TPO: variants seen among roughly 807,000 people sequenced by gnomAD.
TPO encodes the protein thyroid microsomal antigen.
TPO carries 78 observed loss-of-function variants against 96.9 expected under a neutral mutation model. That is an observed-to-expected ratio of 0.81 (90% CI 0.67 to 0.97). TPO has a LOEUF of 0.97. Ranked by LOEUF, TPO falls within the 50% of genes least tolerant of loss-of-function variation. TPO has a pLI of 0.00. For synonymous variants in TPO, 547 were observed against 538.0 expected (o/e 1.02, Z -0.23); for missense variants, 1,252 against 1,274.8 (o/e 0.98, Z 0.27).
chr2:1,456,266 CAT>C lies in TPO; in HGVS notation c.804_805del (p.Cys269PhefsTer202). On this transcript the variant is annotated frameshift_variant, in exon 7 of 17. Transcript: ENST00000329066. LOFTEE classifies it high-confidence loss of function. ...CAGATGACTTGTGAGAACCAAAACC[CAT>C]GTTTTCCCATACAAGTAAGTTTTAG... 1.2e-6 allele frequency: 2 copies of C among 1,614,138 alleles called. No homozygotes were observed. Among genetic ancestry groups the C allele is most frequent in the Non-Finnish European group, 1.7e-6 (2 of 1,180,014 alleles).
At chr2:1,514,908 T>A (rs915429155) in intron 14 of TPO, among the ~76,000 whole-genome samples, 3 of 152,088 alleles carry the variant, frequency 2.0e-5, no homozygotes, top group East Asian at 3.9e-4. Context: ...TTTGCTGGTG[T>A]GAGGTGGGCT....
intron 15 of TPO, 51 bp from the exon 16 acceptor site, chr2:1,540,542 AC>A: frequency 1.2e-6 from 2 of 1,607,500 alleles, no homozygotes. Context: ...TCTACCCTCC[AC>A]AGTCACGGTG....
At chr2:1,478,361 C>A (rs926952948) in intron 8 of TPO, 1 of 985,400 alleles carries the variant, frequency 1.0e-6, no homozygotes, top group Non-Finnish European at 1.2e-6. Flanking sequence ...GGCCCTGTGG[C>A]GGCCTGGGCA....
chr2:1,513,329 A>C (rs959501160), intron 14 of TPO: 3 of 152,292 alleles, frequency 2.0e-5, no homozygotes, highest in Admixed American at 2.0e-4. Flanking sequence ...AGCCATATTT[A>C]CAGCCCCTCC....
In TPO at chr2:1,493,851, C is replaced by T. The variant is rs148782927; in HGVS notation, c.1818C>T (p.Pro606=). Residue 606 remains proline (P), a synonymous_variant, in exon 11 of 17, where the codon CCC becomes CCT. Transcript: ENST00000329066. ...EFCGLPRLET[P]ADLSTAIASR... ...GCGGCCTGCCTCGCCTGGAGACCCC[C>T]GCTGACCTGAGCACAGCCATCGCCA... The T allele has an allele frequency of 2.0e-5, 32 of 1,614,146 alleles. No homozygotes were observed. Among genetic ancestry groups the T allele is most frequent in the African/African-American group, 6.7e-5 (5 of 75,046 alleles).
intron 2 of TPO, among the ~76,000 whole-genome samples, chr2:1,419,945 A>G (rs866151910): frequency 2.6e-4 from 40 of 152,372 alleles, no homozygotes; most frequent in African/African-American, 9.4e-4. Context: ...TTCTTCCCCT[A>G]CAGATGGATG....
chr2:1,487,253 T>C (rs1671258721), intron 9 of TPO, among the ~76,000 whole-genome samples: 1 of 151,910 alleles, frequency 6.6e-6, no homozygotes, highest in African/African-American at 2.4e-5. Flanking sequence ...AACAAAAAGC[T>C]TTAAAAACTG....
At chr2:1,507,342 G>T (rs1192752165) in intron 14 of TPO, among the ~76,000 whole-genome samples, 1 of 152,132 alleles carries the variant, frequency 6.6e-6, no homozygotes, top group South Asian at 2.1e-4. Context: ...TGTTCTTTTG[G>T]CTTAGGATTG....
chr2:1,537,680 C>CCAA, intron 15 of TPO, among the ~76,000 whole-genome samples: 1 of 125,570 alleles, frequency 8.0e-6, no homozygotes, highest in African/African-American at 3.2e-5. Flanking sequence ...AATCCCCCTA[C>CCAA]TCTGTGGAAC....
chr2:1,382,786 G>T (rs2361828), intron 1 of TPO, among the ~76,000 whole-genome samples: 2,887 of 152,000 alleles, frequency 0.019, 69 homozygotes, highest in South Asian at 0.12. Flanking sequence ...GTGCAGGTTT[G>T]TTACATATGT....
At chr2:1,537,064 G>GCC (rs1558440009) in intron 15 of TPO, among the ~76,000 whole-genome samples, 332 of 15,924 alleles carry the variant, frequency 0.021, no homozygotes, top group Middle Eastern at 0.083. Flanking sequence ...CCAAATCCCT[G>GCC]CCACTGTGTG....
At position 1,484,654 on chromosome 2, in the gene TPO, A is replaced by AC; in HGVS notation, c.1398dup (p.Val467ArgfsTer5). ...CTGGGACCCGAGGCCTTCCAGCAGT[A>AC]CGTGGGTCCCTATGAAGGCTATGAC... is the stretch of plus-strand genomic sequence containing the variant. On this transcript the variant is annotated frameshift_variant, in exon 9 of 17. Coordinates refer to ENST00000329066, the MANE Select transcript of TPO (RefSeq NM_001206744.2). LOFTEE classifies it high-confidence loss of function. 1 of 1,614,130 alleles carries AC rather than the reference A, an allele frequency of 6.2e-7. No individual in the cohort carries two copies. The highest frequency in any genetic ancestry group is 8.5e-7 in the Non-Finnish European group (1 of 1,180,030).
chr2:1,533,933 C>A (rs1353767724), intron 15 of TPO, among the ~76,000 whole-genome samples: 4 of 102,038 alleles, frequency 3.9e-5, no homozygotes, highest in Non-Finnish European at 6.3e-5. Context: ...ATAAATCCAA[C>A]CAAATGTATG....
chr2:1,509,744 G>GGATACCCCACCCTCTTGTTTCCGC (rs1573481959), intron 14 of TPO, among the ~76,000 whole-genome samples: 1 of 141,802 alleles, frequency 7.1e-6, no homozygotes, highest in African/African-American at 2.7e-5. Context: ...CTTGTTTCAG[G>GGATACCCCACCCTCTTGTTTCCGC]GACACCCCAC....
At chr2:1,522,549 A>G (rs1000235603) in intron 15 of TPO, among the ~76,000 whole-genome samples, 2 of 150,840 alleles carry the variant, frequency 1.3e-5, no homozygotes, top group African/African-American at 2.4e-5. Context: ...CAGACCATCT[A>G]CCTCACACAG....
intron 15 of TPO, among the ~76,000 whole-genome samples, chr2:1,524,241 TCC>T (rs1255325074): frequency 1.8e-5 from 2 of 110,734 alleles, no homozygotes; most frequent in African/African-American, 7.2e-5. Context: ...CCTCCTCAAA[TCC>T]CCCCACTGTG....
rs1190630672 is a variant in TPO, at chr2:1,521,116, T to C, written c.2618+4134T>C. Among the ~76,000 whole-genome samples, 3 of 152,250 alleles carry C rather than the reference T, an allele frequency of 2.0e-5. No homozygotes were observed. In the East Asian group the frequency reaches 5.8e-4, roughly 29 times the overall value. ...TTTTGCTGTTTTCAGTTGTATTTTGTATTGATATTCCTACCTATGGTATGC... is the reference window on the plus strand; with the variant it reads ...TTTTGCTGTTTTCAGTTGTATTTTGCATTGATATTCCTACCTATGGTATGC... On this transcript the variant is annotated intron_variant, in intron 15 of 16. Coordinates refer to ENST00000329066, the MANE Select transcript of TPO (RefSeq NM_001206744.2).
At chr2:1,496,347 G>A (rs1672338660) in intron 12 of TPO, 150 bp downstream of exon 12, 1 of 1,017,554 alleles carries the variant, frequency 9.8e-7, no homozygotes, top group Non-Finnish European at 1.4e-6. Flanking sequence ...TCCTGGGGCG[G>A]GGCGGGGCGG....
chr2:1,398,491 G>A (rs1228873953), intron 1 of TPO, among the ~76,000 whole-genome samples: 1 of 152,182 alleles, frequency 6.6e-6, no homozygotes, highest in Non-Finnish European at 1.5e-5. Flanking sequence ...ACCACTCCAT[G>A]GGTTCTCAGA....
Sources: gnomAD v4.1 joint callset for allele counts (sites outside exome capture counted in the v4.1 genomes callset) on GRCh38, gnomAD v4.1.1 for gene constraint, MANE v1.5 for transcripts, NCBI Gene and HGNC (gene_info 2026-07-23, HGNC 2026-07-21) for gene names.